The following KCNK2 variants were observed in gnomAD, a reference collection of about 807,000 sequenced individuals.
KCNK2 encodes the protein potassium channel subfamily K member 2.
Under a neutral mutation model 40.5 loss-of-function variants are expected in KCNK2, and 21 were observed. That is an observed-to-expected ratio of 0.52 (90% CI 0.37 to 0.75). The LOEUF (loss-of-function observed/expected upper bound fraction) is 0.75. KCNK2 is among the 30% of genes least tolerant of loss of function. The pLI is 0.00. For missense variants in KCNK2, 399 were observed against 531.6 expected, an observed-to-expected ratio of 0.75 and a Z score of 2.45; for synonymous variants, 191 against 202.2, an observed-to-expected ratio of 0.94 and a Z score of 0.47.
intron 6 of KCNK2, among the ~76,000 whole-genome samples, chr1:215,203,759 G>C (rs1665179706): frequency 1.3e-5 from 2 of 151,926 alleles, no homozygotes; most frequent in Non-Finnish European, 2.9e-5. Context: ...AAATATGTTG[G>C]ATATTCTATG....
At chr1:215,070,594 G>T (rs965379707) in intron 1 of KCNK2, among the ~76,000 whole-genome samples, 2 of 152,012 alleles carry the variant, frequency 1.3e-5, no homozygotes, top group South Asian at 2.1e-4. Flanking sequence ...AACACCATCA[G>T]ATTTTGTGAG....
intron 1 of KCNK2, among the ~76,000 whole-genome samples, chr1:215,028,802 T>C (rs1433814389): frequency 6.6e-6 from 1 of 152,160 alleles, no homozygotes; most frequent in East Asian, 1.9e-4. Flanking sequence ...TTCTAGGAAA[T>C]CCCTTCCCAC....
intron 3 of KCNK2, among the ~76,000 whole-genome samples, chr1:215,126,861 C>T (rs896760194): frequency 6.6e-6 from 1 of 152,096 alleles, no homozygotes; most frequent in Non-Finnish European, 1.5e-5. Context: ...CTGAGTGACC[C>T]ACATGAGGAC....
intron 3 of KCNK2, among the ~76,000 whole-genome samples, chr1:215,154,165 C>T (rs1388635543): frequency 3.3e-5 from 5 of 152,266 alleles, no homozygotes; most frequent in Admixed American, 2.0e-4. Context: ...CTTGAGGAAT[C>T]GCCACACTGT....
chr1:215,083,194 T>TCCCCCCCTCCCCCC lies in KCNK2; in HGVS notation c.-185_-184insTCCCCCCCCCCCCC. ...CCCGCGATTTCGTTTCTTCTCACGC[T>TCCCCCCCTCCCCCC]CCCCCCCCCGCCCCCTCCCGCGTCC... On this transcript the variant is annotated 5_prime_UTR_variant, in exon 1 of 7. Transcript: ENST00000444842. The TCCCCCCCTCCCCCC allele has an allele frequency of 2.0e-6, 1 of 501,814 alleles. No individual in the cohort carries two copies. The highest frequency in any genetic ancestry group is 3.3e-6 in the Non-Finnish European group (1 of 301,554). 31.1% of individuals were successfully genotyped at this position (501,814 alleles called of 1,614,324 possible). A position where few individuals can be genotyped will look rare whatever the true frequency, so the allele number is the denominator to read the frequency against.
At chr1:215,019,769 T>C (rs763305282) in intron 1 of KCNK2, among the ~76,000 whole-genome samples, 3 of 152,344 alleles carry the variant, frequency 2.0e-5, no homozygotes, top group Non-Finnish European at 4.4e-5. Flanking sequence ...TTGCATTCTC[T>C]GGTTTTTGGT....
At chr1:215,104,846 C>T (rs1173186840) in intron 2 of KCNK2, among the ~76,000 whole-genome samples, 1 of 151,798 alleles carries the variant, frequency 6.6e-6, no homozygotes, top group Non-Finnish European at 1.5e-5. Context: ...TTGTAAGGGG[C>T]TATGGGGTTT....
At chr1:215,054,664 T>A (rs1407198029) in intron 1 of KCNK2, among the ~76,000 whole-genome samples, 2 of 152,144 alleles carry the variant, frequency 1.3e-5, no homozygotes, top group Non-Finnish European at 2.9e-5. Context: ...TGTATTTTTC[T>A]ATAAATAACA....
chr1:215,235,371 A>T lies in KCNK2; in HGVS notation c.*226A>T, dbSNP rs1381186489. ...TCCACTTTCTTTGATGAGTGGAATG[A>T]CAAGCAATGTCTGATGCCTTTTTGT... On this transcript the variant is annotated 3_prime_UTR_variant, in exon 7 of 7. Transcript: ENST00000444842. 1 of 477,082 alleles carries T rather than the reference A, an allele frequency of 2.1e-6. No homozygotes were observed. The highest frequency in any genetic ancestry group is 3.7e-6 in the Non-Finnish European group (1 of 267,150). 29.6% of individuals were successfully genotyped at this position (477,082 alleles called of 1,614,324 possible). A position where few individuals can be genotyped will look rare whatever the true frequency, so the allele number is the denominator to read the frequency against.
chr1:215,195,074 TA>T lies in KCNK2; in HGVS notation c.950del (p.Lys317ArgfsTer31). The T allele has an allele frequency of 6.2e-7, 1 of 1,606,528 alleles. No homozygotes were observed. The highest frequency in any genetic ancestry group is 8.5e-7 in the Non-Finnish European group (1 of 1,175,900). On this transcript the variant is annotated frameshift_variant, in exon 6 of 7. Transcript: ENST00000444842. LOFTEE classifies it high-confidence loss of function. ...TTGGAGATTGGCTCCGAGTGATATC[TA>T]AAAAGACAAAAGAAGAGGTGAGAAT... is the stretch of plus-strand genomic sequence containing the variant. ...MIGDWLRVIS[K>X]KTKEEVGEFR...
intron 1 of KCNK2, among the ~76,000 whole-genome samples, chr1:215,007,179 G>GTATATATA (rs1326276235): frequency 1.1e-3 from 72 of 68,102 alleles, no homozygotes; most frequent in African/African-American, 4.8e-3. Flanking sequence ...ATATGTATGT[G>GTATATATA]TGTGGGTATA....
At chr1:215,156,792 G>A (rs959812252) in intron 3 of KCNK2, among the ~76,000 whole-genome samples, 8 of 152,132 alleles carry the variant, frequency 5.3e-5, no homozygotes, top group African/African-American at 1.9e-4. Context: ...AAAGGGGCAA[G>A]TGCAACACAC....
Position 215,121,337 on chromosome 1 carries a change from G to A in KCNK2, c.358-3296G>A, listed in dbSNP as rs527781848. Among the ~76,000 whole-genome samples, 3 of 152,192 alleles carry A rather than the reference G, an allele frequency of 2.0e-5. No individual in the cohort carries two copies. The East Asian group carries it at 5.8e-4, about 29-fold the overall frequency. On this transcript the variant is annotated intron_variant, in intron 2 of 6. Transcript: ENST00000444842. Reference sequence around the variant, plus strand: ...GGGTTTTGCTCTGTCACCCAGGCTGGAGAGCATGATCACAGCTCAGTGTCC... The same window carrying A: ...GGGTTTTGCTCTGTCACCCAGGCTGAAGAGCATGATCACAGCTCAGTGTCC...
At chr1:215,090,468 T>C (rs1659645317) in intron 2 of KCNK2, among the ~76,000 whole-genome samples, 1 of 152,204 alleles carries the variant, frequency 6.6e-6, no homozygotes, top group Non-Finnish European at 1.5e-5. Flanking sequence ...ATGAATATTA[T>C]AGTTCTCTGT....
At chr1:215,042,234 A>G (rs1047515143) in intron 1 of KCNK2, among the ~76,000 whole-genome samples, 10 of 152,216 alleles carry the variant, frequency 6.6e-5, no homozygotes, top group African/African-American at 2.4e-4. Flanking sequence ...GATCAAGGGC[A>G]CATGTACTGA....
chr1:215,014,529 CTG>C (rs1656517025), intron 1 of KCNK2, among the ~76,000 whole-genome samples: 1 of 151,878 alleles, frequency 6.6e-6, no homozygotes, highest in Non-Finnish European at 1.5e-5. Context: ...TGGAACAATA[CTG>C]TTCCATCAAG....
chr1:215,225,330 A>T (rs1223578443), intron 6 of KCNK2, among the ~76,000 whole-genome samples: 1 of 152,210 alleles, frequency 6.6e-6, no homozygotes, highest in Non-Finnish European at 1.5e-5. Flanking sequence ...GACTTCATAC[A>T]TGACATTTAT....
chr1:215,081,787 T>TC (rs1279197473), upstream of KCNK2: 2 of 152,088 alleles, frequency 1.3e-5, no homozygotes, highest in Non-Finnish European at 2.9e-5. Context: ...TTCCACTACA[T>TC]CACGTGTGTT....
chr1:215,184,960 T>C, intron 5 of KCNK2, among the ~76,000 whole-genome samples: 1 of 152,084 alleles, frequency 6.6e-6, no homozygotes, highest in East Asian at 1.9e-4. Context: ...TAAACCAGCT[T>C]AGGAAAAAAA....
Sources: gnomAD v4.1 joint callset for allele counts (sites outside exome capture counted in the v4.1 genomes callset) on GRCh38, gnomAD v4.1.1 for gene constraint, MANE v1.5 for transcripts, NCBI Gene and HGNC (gene_info 2026-07-23, HGNC 2026-07-21) for gene names.